The following FBXO15 variants were observed in gnomAD, a reference collection of about 807,000 sequenced individuals.
The protein encoded by FBXO15 is F-box only protein 15.
A neutral mutation model predicts 49.5 loss-of-function variants in FBXO15; 30 were observed. The observed-to-expected ratio is 0.61, with a 90% CI of 0.45 to 0.82. FBXO15 has a LOEUF of 0.82. Ranked by LOEUF, FBXO15 falls within the 40% of genes least tolerant of loss-of-function variation. FBXO15 has a pLI of 0.00. For missense variants in FBXO15, 591 were observed against 631.5 expected, an observed-to-expected ratio of 0.94 and a Z score of 0.69; for synonymous variants, 250 against 232.7, an observed-to-expected ratio of 1.07 and a Z score of -0.68.
chr18:74,108,577 G>A (rs1285344371), intron 8 of FBXO15, among the ~76,000 whole-genome samples: 2 of 149,478 alleles, frequency 1.3e-5, no homozygotes, highest in African/African-American at 2.4e-5. Context: ...CACAAAAGGT[G>A]TAATTTACAT....
intron 8 of FBXO15, among the ~76,000 whole-genome samples, chr18:74,120,810 T>C (rs574245129): frequency 1.3e-5 from 2 of 151,044 alleles, no homozygotes; most frequent in Non-Finnish European, 3.0e-5. Flanking sequence ...GTAGAAAGAA[T>C]AGAAATCAAC....
In FBXO15 at chr18:74,129,460, A is replaced by C. The variant is rs73969117; in HGVS notation, c.730T>G (p.Leu244Val). 4.5e-4 allele frequency: 720 copies of C among 1,613,948 alleles called. 1 individual carries two copies. The African/African-American group carries it at 8.2e-3, about 18-fold the overall frequency. ...GTAAAAACTGGTGTCATGCCACATA[A>C]ATCTAAGGTTGACAATGATGCTAGG... Reference protein sequence around the residue: ...PCLASLSTLDLCGMTPVFTDW... With the variant: ...PCLASLSTLDVCGMTPVFTDW... The change falls in exon 5 of 10, where the codon TTA becomes GTA. Residue 244 changes from leucine to valine, a missense_variant. Physicochemically the swap from Leu to Val is conservative, Grantham distance 32. Coordinates refer to ENST00000419743, the MANE Select transcript of FBXO15 (RefSeq NM_001142958.2).
rs1319145145 is a variant in FBXO15 at position 74,147,746 on chromosome 18, G to T, written c.40C>A (p.Leu14Ile). The change falls in exon 1 of 10, where the codon CTC becomes ATC. Residue 14 changes from leucine to isoleucine, a missense_variant. Coordinates refer to ENST00000419743, the MANE Select transcript of FBXO15 (RefSeq NM_001142958.2). ...GRGRILQQHWLGLQTLRGPSR... is the reference protein window; with the variant it reads ...GRGRILQQHWIGLQTLRGPSR... ...GGCCCGCGCAGCGTCTGGAGGCCGA[G>T]CCAGTGCTGCTGCAAGATCCGACCG... is the stretch of plus-strand genomic sequence containing the variant. The T allele has an allele frequency of 6.5e-7, 1 of 1,537,032 alleles. No homozygotes were observed. The highest frequency in any genetic ancestry group is 2.0e-5 in the Admixed American group (1 of 50,346).
intron 1 of FBXO15, among the ~76,000 whole-genome samples, chr18:74,143,589 C>A (rs1979221194): frequency 6.6e-6 from 1 of 152,170 alleles, no homozygotes; most frequent in Admixed American, 6.5e-5. Flanking sequence ...TCAGAGTTGT[C>A]TGCACTGGGG....
intron 1 of FBXO15, among the ~76,000 whole-genome samples, chr18:74,141,735 G>GA (rs34369842): frequency 6.6e-6 from 1 of 152,178 alleles, no homozygotes; most frequent in Non-Finnish European, 1.5e-5. Flanking sequence ...CACAAGTGGT[G>GA]AAAAAGGAGC....
intron 8 of FBXO15, among the ~76,000 whole-genome samples, chr18:74,113,181 G>A (rs62097016): frequency 0.091 from 13,887 of 152,130 alleles, 925 homozygotes; most frequent in East Asian, 0.24. Flanking sequence ...ATTACTAACC[G>A]AAAGACGCTG....
chr18:74,140,677 G>A (rs879814687), intron 1 of FBXO15: 4 of 219,532 alleles, frequency 1.8e-5, no homozygotes, highest in African/African-American at 4.7e-5. Flanking sequence ...GGAAGAGGCA[G>A]TGAAACCTTT....
chr18:74,142,486 A>C (rs1161890633), intron 1 of FBXO15, among the ~76,000 whole-genome samples: 32 of 152,086 alleles, frequency 2.1e-4, no homozygotes, highest in Non-Finnish European at 7.4e-5. Context: ...GATGTCCAAA[A>C]CCCAAGTTGT....
chr18:74,109,258 G>C (rs932794269), intron 8 of FBXO15, among the ~76,000 whole-genome samples: 1 of 152,140 alleles, frequency 6.6e-6, no homozygotes, highest in African/African-American at 2.4e-5. Flanking sequence ...TCAGATAAAT[G>C]CAAATCAAAA....
chr18:74,141,480 G>T (rs1023983685), intron 1 of FBXO15, among the ~76,000 whole-genome samples: 34 of 152,276 alleles, frequency 2.2e-4, no homozygotes, highest in African/African-American at 7.2e-4. Context: ...TCATTGCTTT[G>T]AATGTGTACT....
intron 9 of FBXO15, among the ~76,000 whole-genome samples, chr18:74,080,981 T>C (rs924970635): frequency 1.3e-5 from 2 of 152,222 alleles, no homozygotes; most frequent in African/African-American, 2.4e-5. Flanking sequence ...ATAGGCTTTA[T>C]TGAAATCTGA....
intron 8 of FBXO15, among the ~76,000 whole-genome samples, chr18:74,121,352 G>A (rs1295423471): frequency 6.6e-6 from 1 of 152,072 alleles, no homozygotes; most frequent in Non-Finnish European, 1.5e-5. Context: ...AAGATAAAAC[G>A]AAAGAGAAGT....
chr18:74,132,513 G>T (rs550985164), intron 3 of FBXO15, among the ~76,000 whole-genome samples: 1 of 152,310 alleles, frequency 6.6e-6, no homozygotes, highest in Admixed American at 6.5e-5. Flanking sequence ...GATGAACTAT[G>T]TTCACATACA....
At chr18:74,115,269 T>A (rs1914180051) in intron 8 of FBXO15, among the ~76,000 whole-genome samples, 1 of 152,178 alleles carries the variant, frequency 6.6e-6, no homozygotes. Flanking sequence ...GGTCAGCCAA[T>A]GAGGTGATGC....
rs1239998072 is a variant in FBXO15 at position 74,130,236 on chromosome 18, T to C, written c.575+180A>G. 2.0e-5 allele frequency among the ~76,000 whole-genome samples: 3 copies of C among 152,200 alleles called. No individual in the cohort carries two copies. The East Asian group carries it at 5.8e-4, about 29-fold the overall frequency. The stretch of plus-strand genomic sequence containing the variant: ...CCCCACTAATATTTCTGATCTGCAG[T>C]TGGTTGAATCAGCAGATGCAGAAGG... On this transcript the variant is annotated intron_variant, in intron 4 of 9. Transcript: ENST00000419743.
chr18:74,124,619 A>AT (rs771637246), intron 6 of FBXO15, 48 bp from the exon 7 acceptor site: 1 of 1,503,280 alleles, frequency 6.7e-7, no homozygotes, highest in South Asian at 1.1e-5. Context: ...AAATGCTTAC[A>AT]TTTTTCACAA....
At chr18:74,096,755 G>A (rs1435818826) in intron 8 of FBXO15, among the ~76,000 whole-genome samples, 3 of 151,948 alleles carry the variant, frequency 2.0e-5, no homozygotes, top group African/African-American at 7.2e-5. Context: ...TAGTTTTAAG[G>A]AAACTCAGTG....
intron 3 of FBXO15, among the ~76,000 whole-genome samples, chr18:74,134,622 C>A (rs546917468): frequency 3.9e-5 from 6 of 152,244 alleles, no homozygotes; most frequent in Admixed American, 1.3e-4. Context: ...CCCGCCTCGG[C>A]CTCCCAAAGT....
At chr18:74,140,447 A>G in intron 1 of FBXO15, 135 bp from the exon 2 acceptor site, 1 of 765,742 alleles carries the variant, frequency 1.3e-6, no homozygotes, top group Non-Finnish European at 2.0e-6. Context: ...TGCAAAGAAA[A>G]AAAGGAAGGG....
Sources: gnomAD v4.1 joint callset for allele counts (sites outside exome capture counted in the v4.1 genomes callset) on GRCh38, gnomAD v4.1.1 for gene constraint, MANE v1.5 for transcripts, NCBI Gene and HGNC (gene_info 2026-07-23, HGNC 2026-07-21) for gene names.